Variants in ATL2 observed in about 807,000 individuals in gnomAD.
ATL2 encodes atlastin GTPase 2, also known as atlastin-2.
Under a neutral mutation model 73.9 loss-of-function variants are expected in ATL2, and 31 were observed. The ratio of observed to expected loss-of-function variants is 0.42; its 90% CI spans 0.32 to 0.57. ATL2 has a LOEUF of 0.57. Ranked by LOEUF, ATL2 falls within the 20% of genes least tolerant of loss-of-function variation. The probability of loss-of-function intolerance (pLI) is 0.14; values close to 1 mark genes in which losing one functional copy is unlikely to be tolerated. For missense variants in ATL2, 738 were observed against 702.6 expected (o/e 1.05, Z -0.57); for synonymous variants, 291 against 237.5 (o/e 1.23, Z -2.07).
intron 7 of ATL2, among the ~76,000 whole-genome samples, chr2:38,312,354 C>T (rs1337493312): frequency 6.6e-6 from 1 of 152,064 alleles, no homozygotes; most frequent in Non-Finnish European, 1.5e-5. Context: ...ATCACGAGAT[C>T]TGGTTGTTAA....
chr2:38,338,928 A>C (rs1045827073), intron 2 of ATL2, among the ~76,000 whole-genome samples: 8 of 152,196 alleles, frequency 5.3e-5, no homozygotes, highest in African/African-American at 1.9e-4. Context: ...GTATGCCTCA[A>C]AATAGTCAAG....
At chr2:38,363,306 T>C (rs1056300811) in intron 1 of ATL2, among the ~76,000 whole-genome samples, 5 of 149,026 alleles carry the variant, frequency 3.4e-5, no homozygotes, top group African/African-American at 4.9e-5. Context: ...TGAATTCTTA[T>C]ATGCTCAGTA....
intron 7 of ATL2, among the ~76,000 whole-genome samples, chr2:38,312,909 G>A (rs1186157147): frequency 6.6e-6 from 1 of 152,152 alleles, no homozygotes; most frequent in Non-Finnish European, 1.5e-5. Flanking sequence ...GTACTTCCAT[G>A]GGGGGCTACC....
intron 12 of ATL2, chr2:38,296,794 A>G: frequency 1.3e-6 from 2 of 1,513,308 alleles, no homozygotes; most frequent in South Asian, 1.2e-5. Flanking sequence ...TACCTAAACT[A>G]TACTGAAAAT....
intron 1 of ATL2, among the ~76,000 whole-genome samples, chr2:38,348,719 A>G (rs1388207118): frequency 6.6e-6 from 1 of 151,918 alleles, no homozygotes; most frequent in Non-Finnish European, 1.5e-5. Flanking sequence ...AGAAACTACC[A>G]TCAGAGTGAA....
intron 4 of ATL2, 29 bp from the exon 5 acceptor site, chr2:38,315,363 T>A (rs1667975978): frequency 6.7e-7 from 1 of 1,493,428 alleles, no homozygotes; most frequent in Admixed American, 2.8e-5. Context: ...TTTTGTTTTT[T>A]ATTAGTGTTT....
intron 1 of ATL2, among the ~76,000 whole-genome samples, chr2:38,356,959 T>C (rs1670703996): frequency 6.6e-6 from 1 of 152,200 alleles, no homozygotes; most frequent in Admixed American, 6.5e-5. Context: ...GGTTTTTTAA[T>C]TCAAAAAACT....
chr2:38,365,926 G>A (rs546079719), intron 1 of ATL2, among the ~76,000 whole-genome samples: 2 of 151,680 alleles, frequency 1.3e-5, no homozygotes, highest in African/African-American at 2.4e-5. Flanking sequence ...CAGCCTGGGC[G>A]ACAAGAGCTA....
In ATL2 at chr2:38,294,604, A is replaced by G. The variant is rs1017562216; in HGVS notation, c.*1390T>C. 4.0e-5 allele frequency among the ~76,000 whole-genome samples: 6 copies of G among 151,442 alleles called. No homozygotes were observed. The highest frequency in any genetic ancestry group is 7.4e-5 in the Non-Finnish European group (5 of 67,970). ...ATCGGTGTTCACAAAGAAGACCACA[A>G]AAGTACTGAAAAAATGCTAGCCTTA... On this transcript the variant is annotated 3_prime_UTR_variant, in exon 13 of 13. Transcript: ENST00000378954.
chr2:38,333,243 T>C (rs1332113222), intron 2 of ATL2, among the ~76,000 whole-genome samples: 2 of 151,944 alleles, frequency 1.3e-5, no homozygotes, highest in Non-Finnish European at 2.9e-5. Context: ...GAGCTGTGAT[T>C]GTGCCTCTTC....
Position 38,343,482 on chromosome 2 carries a change from T to G in ATL2, c.149A>C (p.Asn50Thr). 6.2e-7 allele frequency: 1 copy of G among 1,607,404 alleles called. No individual in the cohort carries two copies. Among genetic ancestry groups the G allele is most frequent in the Non-Finnish European group, 8.5e-7 (1 of 1,176,170 alleles). Reference sequence around the variant, plus strand: ...TGGTTTCTTCATAACCTCATCAGAATTTACTAGGTCATCATCTTCATAATT... The same window carrying G: ...TGGTTTCTTCATAACCTCATCAGAAGTTACTAGGTCATCATCTTCATAATT... ...GENYEDDDLV[N>T]SDEVMKKPCP... Residue 50 changes from asparagine (N) to threonine (T), a missense_variant, in exon 2 of 13, where the codon AAT (asparagine) becomes ACT (threonine). Transcript: ENST00000378954.
At chr2:38,377,390 C>T, upstream of ATL2, 1 of 713,782 alleles carries the variant, frequency 1.4e-6, no homozygotes, top group Non-Finnish European at 2.3e-6. Flanking sequence ...TCGCCCTCCG[C>T]CTGTATCTCC....
rs747248461 is a variant in ATL2 at position 38,343,453 on chromosome 2, G to C, written c.178C>G (p.Pro60Ala). Residue 60 changes from proline to alanine, a missense_variant, in exon 2 of 13, where the codon CCA (proline) becomes GCA (alanine). Coordinates refer to ENST00000378954, the MANE Select transcript of ATL2 (RefSeq NM_001135673.4). The part of the protein sequence containing the change: ...NSDEVMKKPC[P>A]VQIVLAHEDD... ...TCATGAGCAAGAACAATCTGTACTGGACATGGTTTCTTCATAACCTCATCA... is the reference window on the plus strand; with the variant it reads ...TCATGAGCAAGAACAATCTGTACTGCACATGGTTTCTTCATAACCTCATCA... 17 of 1,611,916 alleles carry C rather than the reference G, an allele frequency of 1.1e-5. No homozygotes were observed. In the East Asian group the frequency reaches 1.1e-4, roughly 11 times the overall value.
intron 2 of ATL2, among the ~76,000 whole-genome samples, chr2:38,332,105 A>G (rs190319682): frequency 6.6e-6 from 1 of 152,334 alleles, no homozygotes; most frequent in East Asian, 1.9e-4. Context: ...GAATGTCCAC[A>G]GAGACAGAAA....
chr2:38,330,235 C>T (rs531462647), intron 2 of ATL2, among the ~76,000 whole-genome samples: 2 of 147,468 alleles, frequency 1.4e-5, no homozygotes, highest in South Asian at 4.2e-4. Context: ...AAAAAAAACT[C>T]CCAGCACACT....
chr2:38,363,283 A>G (rs1671114678), intron 1 of ATL2, among the ~76,000 whole-genome samples: 1 of 152,008 alleles, frequency 6.6e-6, no homozygotes, highest in Non-Finnish European at 1.5e-5. Flanking sequence ...TGTCTGCTGA[A>G]TAAACTCAGA....
intron 12 of ATL2, chr2:38,296,747 GT>G (rs1558379451): frequency 1.3e-6 from 2 of 1,551,230 alleles, no homozygotes. Flanking sequence ...GACAAGGTTT[GT>G]TGACACAGCA....
At chr2:38,325,693 C>CCAAA in intron 2 of ATL2, among the ~76,000 whole-genome samples, 1 of 60,586 alleles carries the variant, frequency 1.7e-5, no homozygotes, top group Non-Finnish European at 2.7e-5. Context: ...CACACACACA[C>CCAAA]ACCAGTACAC....
In ATL2 at chr2:38,310,340, T is replaced by G. The variant is rs1667686296; in HGVS notation, c.912A>C (p.Ala304=). ...FLLPHPGLKV[A]TNPSFDGRLK... is the part of the protein sequence containing the mutation. ...ATCTCCCATCAAAACTAGGATTAGTTGCAACTTTAAGACCAGGATGTGGCA... is the reference window on the plus strand; with the variant it reads ...ATCTCCCATCAAAACTAGGATTAGTGGCAACTTTAAGACCAGGATGTGGCA... Residue 304 remains alanine, a synonymous_variant, in exon 8 of 13, where the codon GCA becomes GCC. Transcript: ENST00000378954. 1 of 1,612,810 alleles carries G rather than the reference T, an allele frequency of 6.2e-7. No individual in the cohort carries two copies. The highest frequency in any genetic ancestry group is 8.5e-7 in the Non-Finnish European group (1 of 1,179,614).
Sources: allele counts gnomAD v4.1 joint callset (sites outside exome capture counted in the v4.1 genomes callset), GRCh38; gene constraint gnomAD v4.1.1; transcripts MANE v1.5; gene names NCBI Gene and HGNC (gene_info 2026-07-23, HGNC 2026-07-21).